CSMD1: variants seen among roughly 807,000 people sequenced by gnomAD.
The protein encoded by CSMD1 is CUB and sushi domain-containing protein 1.
Under a neutral mutation model 417.5 loss-of-function variants are expected in CSMD1, and 213 were observed. The observed-to-expected ratio is 0.51, with a 90% confidence interval of 0.46 to 0.57. The LOEUF is 0.57. Ranked by LOEUF, CSMD1 falls within the 20% of genes least tolerant of loss-of-function variation. The pLI is 0.00. For missense variants in CSMD1, 6,923 were observed against 4,529.7 expected (o/e 1.53, Z -15.17); for synonymous variants, 2,862 against 1,736.8 (o/e 1.65, Z -16.11).
chr8:3,165,835 T>C (rs1440931206), intron 37 of CSMD1, among the ~76,000 whole-genome samples: 1 of 152,072 alleles, frequency 6.6e-6, no homozygotes, highest in Non-Finnish European at 1.5e-5. Flanking sequence ...CTGAGCTTTT[T>C]GGGAATGCGG....
At chr8:4,881,950 T>C (rs925265630) in intron 1 of CSMD1, among the ~76,000 whole-genome samples, 2 of 151,964 alleles carry the variant, frequency 1.3e-5, no homozygotes, top group Non-Finnish European at 2.9e-5. Flanking sequence ...ATCAGCTTCA[T>C]GCAATGAAAA....
At chr8:3,198,954 A>G (rs1796844482) in intron 33 of CSMD1, among the ~76,000 whole-genome samples, 2 of 152,186 alleles carry the variant, frequency 1.3e-5, no homozygotes, top group African/African-American at 4.8e-5. Flanking sequence ...CACACAGTTT[A>G]TCTCTGAACA....
intron 5 of CSMD1, among the ~76,000 whole-genome samples, chr8:3,914,765 C>T (rs1808702519): frequency 6.6e-6 from 1 of 151,622 alleles, no homozygotes; most frequent in Non-Finnish European, 1.5e-5. Context: ...TTTGCTCATT[C>T]TTCATTTTTA....
chr8:3,562,643 C>T (rs981364908), intron 10 of CSMD1, among the ~76,000 whole-genome samples: 27 of 151,924 alleles, frequency 1.8e-4, no homozygotes, highest in Non-Finnish European at 3.5e-4. Context: ...TATCCTGGAT[C>T]TGTGAAACAA....
chr8:4,311,013 G>T (rs963132150), intron 3 of CSMD1, among the ~76,000 whole-genome samples: 2 of 152,196 alleles, frequency 1.3e-5, no homozygotes, highest in African/African-American at 4.8e-5. Flanking sequence ...AAAGTGGCAA[G>T]GATGTGGAGA....
rs1039174889 is a variant in CSMD1, at chr8:4,926,806, T to G, written c.85+67526A>C. Among the ~76,000 whole-genome samples the G allele has an allele frequency of 2.0e-5, 3 of 152,160 alleles. No individual in the cohort carries two copies. In the South Asian group the frequency reaches 6.2e-4, roughly 31 times the overall value. ...CTGTATTGGGATGCCTACTGCTATT[T>G]TGTGTTTGAATATCTACCTAGAACT... On this transcript the variant is annotated intron_variant, in intron 1 of 69. Transcript: ENST00000635120.
At chr8:3,498,722 C>T (rs1228892379) in intron 10 of CSMD1, among the ~76,000 whole-genome samples, 1 of 152,166 alleles carries the variant, frequency 6.6e-6, no homozygotes, top group East Asian at 1.9e-4. Context: ...TGGCTTATTC[C>T]GAAAATCCTG....
chr8:3,745,732 T>G (rs932958604), intron 6 of CSMD1, among the ~76,000 whole-genome samples: 1 of 152,214 alleles, frequency 6.6e-6, no homozygotes, highest in Non-Finnish European at 1.5e-5. Flanking sequence ...CCTTATTTCA[T>G]TAAGCAACAG....
intron 3 of CSMD1, among the ~76,000 whole-genome samples, chr8:4,342,127 A>G (rs538499163): frequency 2.0e-5 from 3 of 152,028 alleles, no homozygotes; most frequent in Non-Finnish European, 4.4e-5. Context: ...ATCTCTAACA[A>G]GACAAGAAGC....
At chr8:3,734,535 AC>A (rs1176590433) in intron 6 of CSMD1, among the ~76,000 whole-genome samples, 1 of 152,062 alleles carries the variant, frequency 6.6e-6, no homozygotes, top group Non-Finnish European at 1.5e-5. Flanking sequence ...ACTTGGTGAA[AC>A]CCTGTCTCTA....
At chr8:3,812,217 T>C (rs755530054) in intron 5 of CSMD1, among the ~76,000 whole-genome samples, 1 of 152,184 alleles carries the variant, frequency 6.6e-6, no homozygotes, top group African/African-American at 2.4e-5. Context: ...ATATCGTTTG[T>C]ACTCAAAAGA....
At chr8:3,406,974 G>T (rs534737127) in intron 14 of CSMD1, among the ~76,000 whole-genome samples, 5 of 152,114 alleles carry the variant, frequency 3.3e-5, no homozygotes, top group Non-Finnish European at 7.4e-5. Context: ...TTGCAAGAAA[G>T]ATGCATAAGT....
At chr8:3,596,831 C>T (rs552367404) in intron 8 of CSMD1, among the ~76,000 whole-genome samples, 22 of 152,220 alleles carry the variant, frequency 1.4e-4, no homozygotes, top group African/African-American at 5.3e-4. Flanking sequence ...CACATGAGAT[C>T]CAAAAGCATG....
intron 6 of CSMD1, among the ~76,000 whole-genome samples, chr8:3,739,536 G>A (rs543597030): frequency 7.9e-5 from 12 of 151,826 alleles, no homozygotes; most frequent in East Asian, 3.9e-4. Context: ...ATTATTACAC[G>A]TCAATTGAAA....
chr8:4,453,813 TC>T lies in CSMD1; in HGVS notation c.303-33749del, dbSNP rs372160910. Reference sequence around the variant, plus strand: ...CCCGAACAAGATTGCGCAATTCGTTTCTTTTTTTTTTTTTTTTTTTTTTTTT... The same window carrying T: ...CCCGAACAAGATTGCGCAATTCGTTTTTTTTTTTTTTTTTTTTTTTTTTTT... On this transcript the variant is annotated intron_variant, in intron 2 of 69. Transcript: ENST00000635120. Among the ~76,000 whole-genome samples, 526 of 102,478 alleles carry T rather than the reference TC, an allele frequency of 5.1e-3. 8 individuals carry two copies. The highest frequency in any genetic ancestry group is 7.1e-3 in the Non-Finnish European group (329 of 46,504). The allele number at this position is 102,478 out of a possible 152,430, so 67.2% of individuals were successfully genotyped here.
intron 3 of CSMD1, among the ~76,000 whole-genome samples, chr8:4,159,391 C>T (rs367842809): frequency 2.0e-5 from 3 of 151,962 alleles, no homozygotes; most frequent in East Asian, 3.9e-4. Flanking sequence ...TGATATCTAC[C>T]GAGGGGAAAA....
At chr8:3,377,839 G>A (rs768789274) in intron 18 of CSMD1, among the ~76,000 whole-genome samples, 6 of 152,140 alleles carry the variant, frequency 3.9e-5, no homozygotes, top group Non-Finnish European at 7.3e-5. Context: ...TGACTGTATT[G>A]AGTATGTAAA....
chr8:4,107,420 G>C (rs1319638519), intron 3 of CSMD1, among the ~76,000 whole-genome samples: 1 of 152,168 alleles, frequency 6.6e-6, no homozygotes, highest in African/African-American at 2.4e-5. Flanking sequence ...AAAATGTCTT[G>C]ATACACATCA....
intron 2 of CSMD1, among the ~76,000 whole-genome samples, chr8:4,597,797 G>A (rs1585308826): frequency 6.6e-6 from 1 of 152,114 alleles, no homozygotes; most frequent in South Asian, 2.1e-4. Flanking sequence ...CAGTCACTGT[G>A]CTTGCCACAA....
Sources: gnomAD v4.1 joint callset for allele counts (sites outside exome capture counted in the v4.1 genomes callset) on GRCh38, gnomAD v4.1.1 for gene constraint, MANE v1.5 for transcripts, NCBI Gene and HGNC (gene_info 2026-07-23, HGNC 2026-07-21) for gene names.